DHX32: variants seen among roughly 807,000 people sequenced by gnomAD.
The protein encoded by DHX32 is putative pre-mRNA-splicing factor ATP-dependent RNA helicase DHX32.
A neutral mutation model predicts 70.0 loss-of-function variants in DHX32; 51 were observed. That is an observed-to-expected ratio of 0.73 (90% CI 0.58 to 0.92). The LOEUF (loss-of-function observed/expected upper bound fraction) is 0.92, where lower values mean the gene tolerates loss of function less well. Among genes scored for constraint, DHX32 ranks in the 40% least tolerant of loss-of-function variants. DHX32 has a pLI of 0.00. For synonymous variants in DHX32, 310 were observed against 315.3 expected (o/e 0.98, Z 0.18); for missense variants, 762 against 891.8 (o/e 0.85, Z 1.85).
chr10:125,859,041 G>GTTT (rs1168999968), intron 3 of DHX32, among the ~76,000 whole-genome samples: 18 of 134,246 alleles, frequency 1.3e-4, no homozygotes, highest in African/African-American at 4.5e-4. Flanking sequence ...TTGTTTGTTT[G>GTTT]TTTGTTTTTT....
chr10:125,872,098 G>A (rs1944259718), intron 1 of DHX32, among the ~76,000 whole-genome samples: 1 of 152,084 alleles, frequency 6.6e-6, no homozygotes, highest in Admixed American at 6.5e-5. Flanking sequence ...CCAACCTCAG[G>A]TGATCCGCCC....
chr10:125,896,107 G>A, intron 1 of DHX32: 1 of 162,962 alleles, frequency 6.1e-6, no homozygotes, highest in Non-Finnish European at 1.3e-5. Context: ...CTGCGGGCAG[G>A]GGACCCCCAG....
chr10:125,889,619 C>T (rs1320621950), intron 1 of DHX32, among the ~76,000 whole-genome samples: 21 of 152,398 alleles, frequency 1.4e-4, no homozygotes, highest in African/African-American at 4.6e-4. Flanking sequence ...CGCCTATTTA[C>T]ATTCTGGCAC....
rs527861445 is a variant in DHX32, at chr10:125,880,668, A to G, written c.157T>C (p.Tyr53His). ...TCTTCTCTTTCTTTCAGAAGTTTAT[A>G]ATAACGTGATGAATATGGCAATCCA... ...FDGLPYSSRY[Y>H]KLLKEREDLP... The change falls in exon 1 of 11, where the codon TAT becomes CAT. Residue 53 changes from tyrosine (Y) to histidine (H), a missense_variant. Physicochemically the swap from Tyr to His is moderately conservative, Grantham distance 83. Coordinates refer to ENST00000284690, the MANE Select transcript of DHX32 (RefSeq NM_018180.3). The G allele has an allele frequency of 1.9e-6, 3 of 1,614,182 alleles. No homozygotes were observed. Among genetic ancestry groups the G allele is most frequent in the African/African-American group, 1.3e-5 (1 of 75,036 alleles).
intron 4 of DHX32, 68 bp downstream of exon 4, chr10:125,853,893 G>A (rs1167729231): frequency 6.5e-7 from 1 of 1,546,946 alleles, no homozygotes; most frequent in Non-Finnish European, 8.7e-7. Flanking sequence ...CAGTAAAATG[G>A]TAGGAAACTG....
chr10:125,894,139 T>A (rs1335272128), intron 1 of DHX32, among the ~76,000 whole-genome samples: 1 of 152,294 alleles, frequency 6.6e-6, no homozygotes, highest in Non-Finnish European at 1.5e-5. Flanking sequence ...TGACCACTAA[T>A]AACATACTGA....
At chr10:125,851,201 G>A (rs879860080) in intron 6 of DHX32, among the ~76,000 whole-genome samples, 3 of 152,164 alleles carry the variant, frequency 2.0e-5, no homozygotes, top group Non-Finnish European at 2.9e-5. Flanking sequence ...CAGCAGCTGC[G>A]AGCATCTTTT....
chr10:125,873,811 T>C (rs1944269124), intron 1 of DHX32, among the ~76,000 whole-genome samples: 1 of 152,212 alleles, frequency 6.6e-6, no homozygotes, highest in African/African-American at 2.4e-5. Context: ...ACATACATCT[T>C]GGTTTTGAGT....
intron 9 of DHX32, 132 bp downstream of exon 9, chr10:125,838,869 A>G: frequency 9.1e-7 from 1 of 1,101,038 alleles, no homozygotes; most frequent in Non-Finnish European, 1.3e-6. Flanking sequence ...TAAGTACCAA[A>G]TCTTTAATAA....
intron 10 of DHX32, 63 bp downstream of exon 10, chr10:125,838,143 C>T (rs1204671268): frequency 6.9e-7 from 1 of 1,457,032 alleles, no homozygotes; most frequent in Non-Finnish European, 9.1e-7. Context: ...CCAAATTTGT[C>T]ATTTACTCCT....
intron 1 of DHX32, among the ~76,000 whole-genome samples, chr10:125,867,731 G>A (rs1319995702): frequency 1.6e-4 from 19 of 120,148 alleles, no homozygotes; most frequent in African/African-American, 6.4e-4. Context: ...GCAAGACTCC[G>A]TCTCAAAAAA....
At chr10:125,879,411 C>T (rs1944304568) in intron 1 of DHX32, among the ~76,000 whole-genome samples, 2 of 152,240 alleles carry the variant, frequency 1.3e-5, no homozygotes, top group South Asian at 4.1e-4. Context: ...CCCACATAAG[C>T]AAACTAAAGT....
chr10:125,895,508 G>C (rs2134089158), intron 1 of DHX32, among the ~76,000 whole-genome samples: 1 of 152,268 alleles, frequency 6.6e-6, no homozygotes, highest in South Asian at 2.1e-4. Context: ...CGGAACCTAT[G>C]ATACTCTCCT....
Position 125,854,073 on chromosome 10 carries a change from T to C in DHX32, c.980A>G (p.Lys327Arg), listed in dbSNP as rs766637302. 2.5e-6 allele frequency: 4 copies of C among 1,614,016 alleles called. No homozygotes were observed. The highest frequency in any genetic ancestry group is 1.1e-5 in the South Asian group (1 of 91,086). ...SLFKPLDETEKRCQVYQRRVV... is the reference protein window; with the variant it reads ...SLFKPLDETERRCQVYQRRVV... The stretch of plus-strand genomic sequence containing the variant: ...TCTTCTTTGATAAACTTGGCATCTT[T>C]TTTCTGTTTCATCGAGTGGCTTGAA... The change falls in exon 4 of 11, where the codon AAA (lysine) becomes AGA (arginine). Residue 327 changes from lysine to arginine, a missense_variant. Physicochemically the swap from Lys to Arg is conservative, Grantham distance 26. Transcript: ENST00000284690.
At chr10:125,859,041 G>T (rs1459939973) in intron 3 of DHX32, among the ~76,000 whole-genome samples, 213 of 134,176 alleles carry the variant, frequency 1.6e-3, no homozygotes, top group African/African-American at 5.3e-3. Flanking sequence ...TTGTTTGTTT[G>T]TTTGTTTTTT....
In DHX32 at chr10:125,853,069, A is replaced by G. The variant is rs202217164; in HGVS notation, c.1093-427T>C. The G allele has an allele frequency of 9.4e-5, 122 of 1,297,076 alleles. 1 individual carries two copies. In the South Asian group the frequency reaches 1.4e-3, roughly 14 times the overall value. The allele number at this position is 1,297,076 out of a possible 1,614,324, so 80.3% of individuals were successfully genotyped here. ...TTTACAACACATACTGAGAGTTCCA[A>G]TCATAACAGCTAATACAGAAACTGC... On this transcript the variant is annotated intron_variant, in intron 4 of 10. Transcript: ENST00000284690.
At chr10:125,837,066 G>C (rs1854714553) in intron 10 of DHX32, among the ~76,000 whole-genome samples, 1 of 152,164 alleles carries the variant, frequency 6.6e-6, no homozygotes, top group Non-Finnish European at 1.5e-5. Context: ...GAATAAGTTG[G>C]CCTCTCTAGT....
rs1002339103 is a variant in DHX32, at chr10:125,854,008, T to A, written c.1045A>T (p.Ser349Cys). The A allele has an allele frequency of 1.2e-6, 2 of 1,613,934 alleles. No individual in the cohort carries two copies. Among genetic ancestry groups the A allele is most frequent in the African/African-American group, 2.7e-5 (2 of 74,930 alleles). ...TCGATAACAAATCTGACTGAGTTGC[T>A]CCAGATCAAAAACTCTCCAGAGCTA... ...TTSSGEFLIW[S>C]NSVRFVIDVG... The change falls in exon 4 of 11, where the codon AGC becomes TGC. Residue 349 changes from serine to cysteine, a missense_variant. By Grantham distance (112) the Ser-to-Cys change is moderately radical. Coordinates refer to ENST00000284690, the MANE Select transcript of DHX32 (RefSeq NM_018180.3).
In DHX32 at chr10:125,841,283, G is replaced by T. The variant is rs769469760; in HGVS notation, c.1544-287C>A. The T allele has an allele frequency of 2.5e-6, 4 of 1,613,968 alleles. No individual in the cohort carries two copies. The African/African-American group carries it at 5.3e-5, about 22-fold the overall frequency. On this transcript the variant is annotated intron_variant, in intron 7 of 10. Transcript: ENST00000284690. ...CAGGGAAAACCTGAGGTGCTTGGAG[G>T]TCCAGACACAAGAAGAGGATTGGAA...
Sources: allele counts gnomAD v4.1 joint callset (sites outside exome capture counted in the v4.1 genomes callset), GRCh38; gene constraint gnomAD v4.1.1; transcripts MANE v1.5; gene names NCBI Gene and HGNC (gene_info 2026-07-23, HGNC 2026-07-21).